The following NEGR1 variants were observed in gnomAD, a reference collection of about 807,000 sequenced individuals.
NEGR1 encodes neuronal growth regulator 1.
In NEGR1, 10 loss-of-function variants were observed where a neutral mutation model predicts 40.9. That is an observed-to-expected ratio of 0.24 (90% CI 0.15 to 0.42). The LOEUF (loss-of-function observed/expected upper bound fraction) is 0.42. Among genes scored for constraint, NEGR1 ranks in the 10% least tolerant of loss-of-function variants. The probability of loss-of-function intolerance (pLI) is 1.00; values close to 1 mark genes in which losing one functional copy is unlikely to be tolerated. For synonymous variants in NEGR1, 185 were observed against 166.8 expected (o/e 1.11, Z -0.84); for missense variants, 352 against 438.9 (o/e 0.80, Z 1.77).
chr1:71,840,531 A>T (rs1371189701), intron 2 of NEGR1, among the ~76,000 whole-genome samples: 5 of 152,158 alleles, frequency 3.3e-5, no homozygotes, highest in African/African-American at 7.2e-5. Context: ...TTGTTATACT[A>T]CTGATAAATG....
chr1:71,470,401 C>G (rs868720119), intron 6 of NEGR1, among the ~76,000 whole-genome samples: 2 of 152,176 alleles, frequency 1.3e-5, no homozygotes, highest in African/African-American at 2.4e-5. Context: ...CGCTATTAGG[C>G]TAGGACATTC....
chr1:72,024,249 T>C (rs983026711), intron 1 of NEGR1, among the ~76,000 whole-genome samples: 9 of 152,080 alleles, frequency 5.9e-5, no homozygotes, highest in African/African-American at 2.2e-4. Context: ...AAATAATTTA[T>C]TTATTTCTCC....
intron 1 of NEGR1, among the ~76,000 whole-genome samples, chr1:72,176,084 AT>A (rs1652153593): frequency 6.6e-6 from 1 of 152,108 alleles, no homozygotes; most frequent in African/African-American, 2.4e-5. Flanking sequence ...CTAGTACTGA[AT>A]TATAAAGTTT....
chr1:71,611,154 AG>A lies in NEGR1; in HGVS notation c.668-9del. ...CCTGAATAGTAGGAGCAACTGCAAA[AG>A]AAACAAACAAACAAATACTAGTAGA... On this transcript the variant is annotated splice_polypyrimidine_tract_variant and intron_variant, in intron 4 of 6. Coordinates refer to ENST00000357731, the MANE Select transcript of NEGR1 (RefSeq NM_173808.3). The A allele has an allele frequency of 6.2e-7, 1 of 1,612,494 alleles. No individual in the cohort carries two copies. The highest frequency in any genetic ancestry group is 8.5e-7 in the Non-Finnish European group (1 of 1,178,894).
intron 2 of NEGR1, among the ~76,000 whole-genome samples, chr1:71,924,700 A>G (rs1645755944): frequency 6.6e-6 from 1 of 152,132 alleles, no homozygotes; most frequent in South Asian, 2.1e-4. Context: ...TGTAAAGTAT[A>G]TTTTTCCTCA....
chr1:71,973,828 C>G (rs1207264758), intron 1 of NEGR1, among the ~76,000 whole-genome samples: 3 of 152,146 alleles, frequency 2.0e-5, no homozygotes, highest in African/African-American at 7.2e-5. Context: ...AGTGTTGGTG[C>G]CTTGGCTTGT....
At chr1:71,955,798 G>C (rs1646114453) in intron 1 of NEGR1, among the ~76,000 whole-genome samples, 1 of 152,042 alleles carries the variant, frequency 6.6e-6, no homozygotes. Flanking sequence ...AGTTCCTCTT[G>C]TGCTTTTCTG....
chr1:71,519,905 G>A (rs1180227747), intron 6 of NEGR1, among the ~76,000 whole-genome samples: 1 of 152,018 alleles, frequency 6.6e-6, no homozygotes, highest in Non-Finnish European at 1.5e-5. Context: ...GAGACTAGGT[G>A]TGTGTACCTG....
intron 3 of NEGR1, among the ~76,000 whole-genome samples, chr1:71,729,853 T>C (rs1654797980): frequency 6.6e-6 from 1 of 151,520 alleles, no homozygotes; most frequent in South Asian, 2.1e-4. Context: ...TTTTGGTTTT[T>C]TTTTTTTGTA....
At chr1:71,834,969 T>A (rs1658972407) in intron 2 of NEGR1, among the ~76,000 whole-genome samples, 1 of 149,760 alleles carries the variant, frequency 6.7e-6, no homozygotes, top group Admixed American at 6.6e-5. Flanking sequence ...TCACTTTTGC[T>A]CACAAGTTTA....
At chr1:72,111,977 T>C (rs911011563) in intron 1 of NEGR1, among the ~76,000 whole-genome samples, 4 of 151,802 alleles carry the variant, frequency 2.6e-5, no homozygotes, top group African/African-American at 7.2e-5. Flanking sequence ...TAGGTGACGA[T>C]CATTAAGTTC....
intron 3 of NEGR1, among the ~76,000 whole-genome samples, chr1:71,763,035 G>A (rs1294001718): frequency 6.6e-6 from 1 of 151,920 alleles, no homozygotes; most frequent in African/African-American, 2.4e-5. Flanking sequence ...TAAAAAGGGG[G>A]TTAGGCATGG....
At chr1:72,128,086 G>T (rs1300033714) in intron 1 of NEGR1, among the ~76,000 whole-genome samples, 1 of 152,034 alleles carries the variant, frequency 6.6e-6, no homozygotes. Context: ...TATTTAATCT[G>T]ACCTTAAAAT....
intron 3 of NEGR1, among the ~76,000 whole-genome samples, chr1:71,742,205 C>T (rs547447258): frequency 3.9e-5 from 6 of 152,150 alleles, no homozygotes; most frequent in Non-Finnish European, 8.8e-5. Flanking sequence ...AAGACCTGCA[C>T]CAGGAACCAA....
At chr1:72,269,476 G>A (rs1042798520) in intron 1 of NEGR1, among the ~76,000 whole-genome samples, 2 of 151,760 alleles carry the variant, frequency 1.3e-5, no homozygotes. Context: ...ACATATTGCG[G>A]CTTTTGAAAG....
At chr1:72,066,589 A>G (rs1297780870) in intron 1 of NEGR1, among the ~76,000 whole-genome samples, 2 of 152,118 alleles carry the variant, frequency 1.3e-5, no homozygotes, top group African/African-American at 4.8e-5. Flanking sequence ...CTTGGGCTGT[A>G]ATCCAGTGTG....
chr1:71,560,638 A>G (rs1314239745), intron 6 of NEGR1, among the ~76,000 whole-genome samples: 1 of 150,978 alleles, frequency 6.6e-6, no homozygotes, highest in Non-Finnish European at 1.5e-5. Context: ...GGTTAAGGTA[A>G]TTAGAATTAC....
intron 1 of NEGR1, among the ~76,000 whole-genome samples, chr1:72,109,185 A>G (rs1487999436): frequency 6.6e-6 from 1 of 151,716 alleles, no homozygotes; most frequent in Non-Finnish European, 1.5e-5. Flanking sequence ...GCTTATAGAA[A>G]AGTAGAGGTG....
At chr1:72,195,604 T>C (rs1451591312) in intron 1 of NEGR1, among the ~76,000 whole-genome samples, 2 of 151,904 alleles carry the variant, frequency 1.3e-5, no homozygotes, top group African/African-American at 2.4e-5. Context: ...TATTTATTTG[T>C]ATGTTTCTGC....
Sources: allele counts gnomAD v4.1 joint callset (sites outside exome capture counted in the v4.1 genomes callset), GRCh38; gene constraint gnomAD v4.1.1; transcripts MANE v1.5; gene names NCBI Gene and HGNC (gene_info 2026-07-23, HGNC 2026-07-21).